PIK3C3: variants seen among roughly 807,000 people sequenced by gnomAD.
PIK3C3 encodes phosphatidylinositol 3-kinase catalytic subunit type 3, also known as PI3-kinase type 3.
Under a neutral mutation model 126.1 loss-of-function variants are expected in PIK3C3, and 95 were observed. The ratio of observed to expected loss-of-function variants is 0.75; its 90% CI spans 0.64 to 0.89. The LOEUF (loss-of-function observed/expected upper bound fraction) is 0.89. Ranked by LOEUF, PIK3C3 falls within the 40% of genes least tolerant of loss-of-function variation. PIK3C3 has a pLI of 0.00. For missense variants in PIK3C3, 829 were observed against 1,063.2 expected (o/e 0.78, Z 3.06); for synonymous variants, 374 against 360.0 (o/e 1.04, Z -0.44).
intron 9 of PIK3C3, among the ~76,000 whole-genome samples, chr18:41,998,900 T>G (rs546237173): frequency 6.6e-6 from 1 of 152,308 alleles, no homozygotes; most frequent in Non-Finnish European, 1.5e-5. Context: ...AGAAATTCTT[T>G]TAGCGTCAGA....
rs1340924273 is a variant in PIK3C3, at chr18:42,054,172, A to C, written c.2264-3711A>C. ...TATATATATATATATATATATATAT[A>C]TATATATATATATATATATAAAGGG... is the stretch of plus-strand genomic sequence containing the variant. On this transcript the variant is annotated intron_variant, in intron 21 of 24. Transcript: ENST00000262039. Among the ~76,000 whole-genome samples, 53 of 68,510 alleles carry C rather than the reference A, an allele frequency of 7.7e-4. 5 individuals carry two copies. The highest frequency in any genetic ancestry group is 7.2e-3 in the South Asian group (18 of 2,502). 44.9% of individuals were successfully genotyped at this position (68,510 alleles called of 152,430 possible). A position where few individuals can be genotyped will look rare whatever the true frequency, so the allele number is the denominator to read the frequency against.
chr18:42,076,122 GCGCATA>G (rs1985985932), intron 24 of PIK3C3, among the ~76,000 whole-genome samples: 1 of 25,656 alleles, frequency 3.9e-5, no homozygotes, highest in African/African-American at 2.1e-4. Flanking sequence ...ATATATATAT[GCGCATA>G]TATATATATA....
chr18:42,048,873 T>G (rs1567999937), intron 20 of PIK3C3, among the ~76,000 whole-genome samples: 1 of 152,148 alleles, frequency 6.6e-6, no homozygotes. Flanking sequence ...TAAACATAGT[T>G]AAAAAAACAA....
chr18:42,076,109 TATATATATATATGCGC>T (rs1422003038), intron 24 of PIK3C3, among the ~76,000 whole-genome samples: 27 of 78,880 alleles, frequency 3.4e-4, no homozygotes, highest in South Asian at 6.1e-4. Flanking sequence ...TATATATATA[TATATATATATATGCGC>T]ATATATATAT....
At chr18:42,078,176 G>A (rs1036472506) in intron 24 of PIK3C3, among the ~76,000 whole-genome samples, 3 of 151,628 alleles carry the variant, frequency 2.0e-5, no homozygotes, top group African/African-American at 7.3e-5. Context: ...AGGAGATCGA[G>A]ACCATCCTGG....
chr18:42,050,425 A>G (rs545950273), intron 21 of PIK3C3: 22 of 152,344 alleles, frequency 1.4e-4, no homozygotes, highest in African/African-American at 5.3e-4. Context: ...TTAACTTCAA[A>G]TTGAAATATC....
chr18:42,048,415 A>G (rs903783930), intron 20 of PIK3C3, among the ~76,000 whole-genome samples: 3 of 152,194 alleles, frequency 2.0e-5, no homozygotes, highest in African/African-American at 4.8e-5. Context: ...CTTTCCTTGC[A>G]TCTATATTTG....
intron 16 of PIK3C3, among the ~76,000 whole-genome samples, chr18:42,036,214 A>T (rs1381888880): frequency 6.6e-6 from 1 of 152,086 alleles, no homozygotes; most frequent in East Asian, 1.9e-4. Flanking sequence ...ACCATTTTCC[A>T]TGTTTTTGTT....
chr18:42,023,402 T>A (rs1273174788), intron 13 of PIK3C3, among the ~76,000 whole-genome samples: 3 of 152,248 alleles, frequency 2.0e-5, no homozygotes, highest in Non-Finnish European at 2.9e-5. Context: ...CTTCTGTTCA[T>A]AAGGAGCACA....
intron 7 of PIK3C3, 101 bp from the exon 8 acceptor site, chr18:41,995,789 A>C: frequency 1.3e-6 from 1 of 758,688 alleles, no homozygotes; most frequent in Non-Finnish European, 2.3e-6. Flanking sequence ...AAAACATTAG[A>C]TATTATTAAA....
intron 22 of PIK3C3, among the ~76,000 whole-genome samples, chr18:42,064,486 A>G (rs1985451813): frequency 6.6e-6 from 1 of 152,188 alleles, no homozygotes; most frequent in African/African-American, 2.4e-5. Flanking sequence ...AATGAAAAGA[A>G]TGTCATTATT....
At chr18:42,026,326 A>T (rs543648570) in intron 13 of PIK3C3, 1 of 151,718 alleles carries the variant, frequency 6.6e-6, no homozygotes, top group Non-Finnish European at 1.5e-5. Flanking sequence ...ACAGTCTAGC[A>T]TTTGTATTTA....
intron 24 of PIK3C3, among the ~76,000 whole-genome samples, chr18:42,068,383 G>C (rs1985628359): frequency 6.6e-6 from 1 of 152,012 alleles, no homozygotes; most frequent in African/African-American, 2.4e-5. Flanking sequence ...TAAATATTTT[G>C]TTGTCTTTCA....
chr18:41,994,284 A>G (rs1223798237), intron 7 of PIK3C3, among the ~76,000 whole-genome samples: 1 of 152,198 alleles, frequency 6.6e-6, no homozygotes. Context: ...TATGCATAGT[A>G]TAGTAGAATC....
At chr18:42,031,542 A>G (rs1435369024) in intron 15 of PIK3C3, among the ~76,000 whole-genome samples, 4 of 152,102 alleles carry the variant, frequency 2.6e-5, no homozygotes, top group Non-Finnish European at 4.4e-5. Flanking sequence ...AACCTGCCTC[A>G]GCCTCCCAGG....
chr18:41,989,768 TGCATTTCTCAGAATGTACAC>T (rs1188864030), intron 5 of PIK3C3, among the ~76,000 whole-genome samples: 1 of 152,214 alleles, frequency 6.6e-6, no homozygotes, highest in Non-Finnish European at 1.5e-5. Flanking sequence ...TGCTTAATGA[TGCATTTCTCAGAATGTACAC>T]CTGTCGTTAA....
rs1189768768 is a variant in PIK3C3 at position 42,037,783 on chromosome 18, A to T, written c.1931A>T (p.Asp644Val). ...IFKHGDDLRQ[D>V]QLILQIISLM... is the part of the protein sequence containing the mutation. ...AAGCATGGAGATGATTTACGTCAAG[A>T]TCAACTTATTCTTCAAATCATTTCA... The change falls in exon 17 of 25, where the codon GAT (aspartate) becomes GTT (valine). Residue 644 changes from aspartate (D) to valine (V), a missense_variant. This residue lies in a region of PIK3C3 where 196 missense variants were observed against 312.8 expected (regional missense o/e 0.63). Coordinates refer to ENST00000262039, the MANE Select transcript of PIK3C3 (RefSeq NM_002647.4). 4 of 1,612,320 alleles carry T rather than the reference A, an allele frequency of 2.5e-6. No homozygotes were observed. The highest frequency in any genetic ancestry group is 3.4e-6 in the Non-Finnish European group (4 of 1,178,822).
At chr18:42,047,867 G>A (rs777451457) in intron 20 of PIK3C3, among the ~76,000 whole-genome samples, 2 of 152,162 alleles carry the variant, frequency 1.3e-5, no homozygotes, top group African/African-American at 4.8e-5. Flanking sequence ...GTGTAGCAAT[G>A]CTCTAGATCA....
At chr18:42,048,004 G>A (rs1984630484) in intron 20 of PIK3C3, among the ~76,000 whole-genome samples, 1 of 152,168 alleles carries the variant, frequency 6.6e-6, no homozygotes, top group African/African-American at 2.4e-5. Flanking sequence ...AAATGAATGA[G>A]TATGACTGTG....
Sources: gnomAD v4.1 joint callset for allele counts (sites outside exome capture counted in the v4.1 genomes callset) on GRCh38, gnomAD v4.1.1 for gene constraint, gnomAD v4.1.1 regional missense constraint, MANE v1.5 for transcripts, NCBI Gene and HGNC (gene_info 2026-07-23, HGNC 2026-07-21) for gene names.